The following SIK3 variants were observed in gnomAD, a reference collection of about 807,000 sequenced individuals.
SIK3 encodes serine/threonine-protein kinase SIK3.
A neutral mutation model predicts 144.2 loss-of-function variants in SIK3; 28 were observed. That is an observed-to-expected ratio of 0.19 (90% CI 0.14 to 0.27). The LOEUF is 0.27. Ranked by LOEUF, SIK3 falls within the 10% of genes least tolerant of loss-of-function variation. The probability of loss-of-function intolerance (pLI) is 1.00; values close to 1 mark genes in which losing one functional copy is unlikely to be tolerated. For synonymous variants in SIK3, 686 were observed against 676.3 expected (o/e 1.01, Z -0.22); for missense variants, 1,319 against 1,776.0 (o/e 0.74, Z 4.62).
At chr11:117,013,722 T>G (rs1382358445) in intron 1 of SIK3, among the ~76,000 whole-genome samples, 1 of 151,658 alleles carries the variant, frequency 6.6e-6, no homozygotes, top group Non-Finnish European at 1.5e-5. Context: ...TCCAGTGCTA[T>G]CTACTCAGAC....
chr11:116,925,746 C>T (rs1947240635), intron 4 of SIK3, among the ~76,000 whole-genome samples: 1 of 152,168 alleles, frequency 6.6e-6, no homozygotes, highest in Admixed American at 6.5e-5. Flanking sequence ...AATTGCCAGG[C>T]TTTTCCATGC....
In SIK3 at chr11:116,870,374, C is replaced by T. The variant is rs772387712; in HGVS notation, c.1765G>A (p.Glu589Lys). 3.1e-6 allele frequency: 5 copies of T among 1,612,476 alleles called. No homozygotes were observed. Among genetic ancestry groups the T allele is most frequent in the East Asian group, 4.5e-5 (2 of 44,888 alleles). Residue 589 changes from glutamate to lysine, a missense_variant, in exon 14 of 25, where the codon GAG becomes AAG. Physicochemically the swap from Glu to Lys is moderately conservative, Grantham distance 56 (BLOSUM62 1). Coordinates refer to ENST00000445177, the MANE Select transcript of SIK3 (RefSeq NM_001366686.3). ...PAVPAVTPVD[E>K]ESSDGEPDQE... ...TCTGGCTCCCCGTCTGAGCTCTCCT[C>T]GTCCACAGGGGTAACTGCTGGCACT...
chr11:116,901,906 G>A (rs926925092), intron 4 of SIK3, among the ~76,000 whole-genome samples: 16 of 152,208 alleles, frequency 1.1e-4, no homozygotes, highest in African/African-American at 3.9e-4. Context: ...GTGGGAACAG[G>A]TTGCTAAAAA....
rs529368285 is a variant in SIK3, at chr11:116,861,170, A to G, written c.2425+104T>C. 7.6e-5 allele frequency: 69 copies of G among 908,544 alleles called. No individual in the cohort carries two copies. In the African/African-American group the frequency reaches 1.2e-3, roughly 15 times the overall value. 56.3% of individuals were successfully genotyped at this position (908,544 alleles called of 1,614,324 possible). A position where few individuals can be genotyped will look rare whatever the true frequency, so the allele number is the denominator to read the frequency against. On this transcript the variant is annotated intron_variant, in intron 19 of 24. Transcript: ENST00000445177. ...TCTAGAGTCCATACCCCTGAATACT[A>G]TGTTATTCTGCCTTTCAAATGGTTT...
intron 1 of SIK3, among the ~76,000 whole-genome samples, chr11:117,037,793 AACAC>A (rs10604254): frequency 6.6e-6 from 1 of 151,820 alleles, no homozygotes; most frequent in Non-Finnish European, 1.5e-5. Context: ...GAAGAAGAAA[AACAC>A]ACACACAAAA....
At chr11:117,013,967 C>CCTTTTTTTTTTTTT (rs756680301) in intron 1 of SIK3, among the ~76,000 whole-genome samples, 4 of 7,374 alleles carry the variant, frequency 5.4e-4, no homozygotes, top group East Asian at 2.5e-3. Flanking sequence ...TTCTTTTTTT[C>CCTTTTTTTTTTTTT]TTTTCTTTTT....
intron 1 of SIK3, among the ~76,000 whole-genome samples, chr11:117,050,021 T>G (rs1953157255): frequency 6.6e-6 from 1 of 151,506 alleles, no homozygotes; most frequent in Non-Finnish European, 1.5e-5. Flanking sequence ...CCGGGCACAG[T>G]GGCTCACGCC....
intron 4 of SIK3, among the ~76,000 whole-genome samples, chr11:116,913,530 C>T (rs1946451590): frequency 6.6e-6 from 1 of 152,090 alleles, no homozygotes; most frequent in Non-Finnish European, 1.5e-5. Context: ...AATATAGGAT[C>T]TTTGCATCAA....
intron 14 of SIK3, chr11:116,869,028 G>T (rs553780293): frequency 4.2e-4 from 64 of 152,260 alleles, no homozygotes; most frequent in African/African-American, 1.5e-3. Context: ...CTGGAGGAAG[G>T]AAAGTCTAAG....
rs531657650 is a variant in SIK3, at chr11:117,005,656, T to C, written c.274-48592A>G. ...TTTACTTATCTCTAAAATGGGATAATAACATCTGATTCATAGAATGAGAGT... is the reference window on the plus strand; with the variant it reads ...TTTACTTATCTCTAAAATGGGATAACAACATCTGATTCATAGAATGAGAGT... On this transcript the variant is annotated intron_variant, in intron 1 of 24. Coordinates refer to ENST00000445177, the MANE Select transcript of SIK3 (RefSeq NM_001366686.3). Among the ~76,000 whole-genome samples, 30 of 152,300 alleles carry C rather than the reference T, an allele frequency of 2.0e-4. 1 individual carries two copies. The South Asian group carries it at 6.0e-3, about 30-fold the overall frequency.
chr11:117,010,917 C>T (rs1445138062), intron 1 of SIK3, among the ~76,000 whole-genome samples: 1 of 152,066 alleles, frequency 6.6e-6, no homozygotes, highest in Admixed American at 6.6e-5. Flanking sequence ...CTCTGAAGTT[C>T]GAGACCAGCC....
chr11:117,096,618 C>A (rs1370696035), intron 1 of SIK3, among the ~76,000 whole-genome samples: 1 of 152,042 alleles, frequency 6.6e-6, no homozygotes, highest in Non-Finnish European at 1.5e-5. Context: ...AGACTGGAGG[C>A]CCTGTGATAA....
intron 1 of SIK3, chr11:117,035,920 G>A: frequency 3.1e-6 from 5 of 1,595,580 alleles, no homozygotes; most frequent in Non-Finnish European, 3.4e-6. Context: ...TAAAGACCGT[G>A]ATGATTTTAT....
intron 1 of SIK3, among the ~76,000 whole-genome samples, chr11:117,072,391 A>C (rs1049884201): frequency 2.2e-4 from 33 of 152,134 alleles, no homozygotes; most frequent in African/African-American, 8.0e-4. Flanking sequence ...GTCTCAAAAA[A>C]AATAAAAATA....
chr11:116,891,603 G>A (rs564235366), intron 6 of SIK3, among the ~76,000 whole-genome samples: 1 of 152,060 alleles, frequency 6.6e-6, no homozygotes, highest in Non-Finnish European at 1.5e-5. Context: ...AGAGGCAATG[G>A]TAAACCACTG....
At chr11:117,085,550 G>A (rs1053610012) in intron 1 of SIK3, among the ~76,000 whole-genome samples, 15 of 152,176 alleles carry the variant, frequency 9.9e-5, no homozygotes, top group Admixed American at 9.8e-4. Context: ...AAAAAGCGGG[G>A]AAGTGGGAAA....
chr11:116,928,341 T>G (rs1313749849), intron 3 of SIK3, among the ~76,000 whole-genome samples: 1 of 152,214 alleles, frequency 6.6e-6, no homozygotes, highest in Non-Finnish European at 1.5e-5. Context: ...ATGATACAGT[T>G]GTTCTGTTAG....
At chr11:117,086,256 C>T (rs1954998364) in intron 1 of SIK3, among the ~76,000 whole-genome samples, 2 of 152,230 alleles carry the variant, frequency 1.3e-5, no homozygotes, top group African/African-American at 4.8e-5. Flanking sequence ...AGGACTGCTG[C>T]ATTACCATAT....
intron 4 of SIK3, among the ~76,000 whole-genome samples, chr11:116,909,423 C>T (rs1421717505): frequency 1.3e-5 from 2 of 152,046 alleles, no homozygotes; most frequent in African/African-American, 4.8e-5. Context: ...ATGAGGTGTA[C>T]AGCCTGGCTG....
Sources: allele counts gnomAD v4.1 joint callset (sites outside exome capture counted in the v4.1 genomes callset), GRCh38; gene constraint gnomAD v4.1.1; transcripts MANE v1.5; gene names NCBI Gene and HGNC (gene_info 2026-07-23, HGNC 2026-07-21).